FZR1: variants seen among roughly 807,000 people sequenced by gnomAD.
FZR1 encodes the protein fizzy and cell division cycle 20 related 1.
A neutral mutation model predicts 63.6 loss-of-function variants in FZR1; 11 were observed. The ratio of observed to expected loss-of-function variants is 0.17; its 90% CI spans 0.11 to 0.29. FZR1 has a LOEUF of 0.29. Ranked by LOEUF, FZR1 falls within the 10% of genes least tolerant of loss-of-function variation. The pLI is 1.00. For synonymous variants in FZR1, 328 were observed against 297.9 expected (o/e 1.10, Z -1.04); for missense variants, 440 against 687.5 (o/e 0.64, Z 4.03).
At position 3,526,540 on chromosome 19, in the gene FZR1, CA is replaced by C. The variant is rs1311442430; in HGVS notation, c.387+155del. ...CCCTGACCCTGTTCCTTAGCCAGGT[CA>C]GGGGCCCTGGGATCTGAGGCTGGAG... On this transcript the variant is annotated intron_variant, in intron 5 of 13. Transcript: ENST00000441788. The surrounding 1 kb of genome is among the most constrained non-coding windows in gnomAD (Gnocchi z 5.4). Among the ~76,000 whole-genome samples, 7 of 152,352 alleles carry C rather than the reference CA, an allele frequency of 4.6e-5. No individual in the cohort carries two copies. The highest frequency in any genetic ancestry group is 1.9e-4 in the East Asian group (1 of 5,176).
At chr19:3,511,996 C>G (rs1417200423) in intron 1 of FZR1, among the ~76,000 whole-genome samples, 1 of 152,204 alleles carries the variant, frequency 6.6e-6, no homozygotes, top group East Asian at 1.9e-4. Flanking sequence ...GAGTCCACCT[C>G]TCCCCTGTGT....
Position 3,533,760 on chromosome 19 carries a change from ATGGGGG to A in FZR1, c.1347+363_1347+368del, listed in dbSNP as rs1264276577. ...ACAGTAACTGTATGCACGTGGCTGG[ATGGGGG>A]CCAGGAGGCGTCCTTGGCCCCACGT... is the stretch of plus-strand genomic sequence containing the variant. On this transcript the variant is annotated intron_variant, in intron 12 of 13. Coordinates refer to ENST00000441788, the MANE Select transcript of FZR1 (RefSeq NM_016263.4). The surrounding 1 kb of genome is among the most constrained non-coding windows in gnomAD (Gnocchi z 4.9). 1 of 220,462 alleles carries A rather than the reference ATGGGGG, an allele frequency of 4.5e-6. No homozygotes were observed. The highest frequency in any genetic ancestry group is 2.4e-5 in the African/African-American group (1 of 41,886). The allele number at this position is 220,462 out of a possible 1,614,324, so 13.7% of individuals were successfully genotyped here. A position where few individuals can be genotyped will look rare whatever the true frequency, so the allele number is the denominator to read the frequency against.
At position 3,515,846 on chromosome 19, in the gene FZR1, G is replaced by GTCCTCTCCT. The variant is rs895951396; in HGVS notation, c.-34-7101_-34-7093dup. Among the ~76,000 whole-genome samples the GTCCTCTCCT allele has an allele frequency of 6.0e-5, 9 of 150,136 alleles. No homozygotes were observed. The highest frequency in any genetic ancestry group is 2.2e-4 in the African/African-American group (9 of 40,796). ...AAGGCTTCTTTCCTCCCCAATCCTC[G>GTCCTCTCCT]TCCTCTCCTTCCTCTCCCCACCCAC... On this transcript the variant is annotated intron_variant, in intron 1 of 13. Transcript: ENST00000441788. This position sits in a 1 kb window ranked among gnomAD's most constrained non-coding sequence, Gnocchi z 4.6.
At chr19:3,531,607 G>C in intron 8 of FZR1, 107 bp from the exon 9 acceptor site, 1 of 731,930 alleles carries the variant, frequency 1.4e-6, no homozygotes, top group Non-Finnish European at 2.3e-6. Context: ...TAGGGAAACC[G>C]TCCCAGAGCC....
rs1332861145 is a variant in FZR1 at position 3,531,919 on chromosome 19, G to A, written c.832G>A (p.Ala278Thr). The A allele has an allele frequency of 6.3e-7, 1 of 1,595,788 alleles. No individual in the cohort carries two copies. The highest frequency in any genetic ancestry group is 1.1e-5 in the South Asian group (1 of 88,508). Reference sequence around the variant, plus strand: ...TTCCACCTGGCCTCCAGGGGCGCTGGCCTGGAATGCTGAGCAGCTGTCGTC... The same window carrying A: ...TTCCACCTGGCCTCCAGGGGCGCTGACCTGGAATGCTGAGCAGCTGTCGTC... ...EGHTARVGAL[A>T]WNAEQLSSGS... Residue 278 changes from alanine to threonine, a missense_variant, in exon 10 of 14, where the codon GCC (alanine) becomes ACC (threonine). Physicochemically the swap from Ala to Thr is moderately conservative, Grantham distance 58. Transcript: ENST00000441788.
rs2083252728 is a variant in FZR1, at chr19:3,532,005, G to A, written c.918G>A (p.Glu306=). Residue 306 remains glutamate (E), a synonymous_variant, in exon 10 of 14, where the codon GAG becomes GAA. Transcript: ENST00000441788. Reference sequence around the variant, plus strand: ...TCCGCACCCCGCCACTGCAGTCGGAGCGGCGGCTGCAGGGCCACCGGCAGG... The same window carrying A: ...TCCGCACCCCGCCACTGCAGTCGGAACGGCGGCTGCAGGGCCACCGGCAGG... ...RDIRTPPLQS[E]RRLQGHRQEV... is the part of the protein sequence containing the mutation. 1.3e-6 allele frequency: 2 copies of A among 1,563,236 alleles called. No homozygotes were observed. Among genetic ancestry groups the A allele is most frequent in the Non-Finnish European group, 1.7e-6 (2 of 1,160,764 alleles).
At chr19:3,519,674 CTG>C (rs2121927843) in intron 1 of FZR1, among the ~76,000 whole-genome samples, 1 of 152,330 alleles carries the variant, frequency 6.6e-6, no homozygotes, top group East Asian at 1.9e-4. Flanking sequence ...CTGACGTCCT[CTG>C]TGGCTGCACG....
intron 6 of FZR1, 117 bp downstream of exon 6, chr19:3,527,179 A>AG: frequency 2.4e-6 from 2 of 826,086 alleles, no homozygotes; most frequent in Admixed American, 1.8e-5. Context: ...GCGAGGCTGA[A>AG]GGGGGCTTCC....
rs1407653305 is a variant in FZR1, at chr19:3,515,764, TC to T, written c.-34-7191del. ...CTGGGTGACAGAGCCAGACTCCGTC[TC>T]TAAAAAAAAAAAAAAAAGGAATTCA... On this transcript the variant is annotated intron_variant, in intron 1 of 13. Coordinates refer to ENST00000441788, the MANE Select transcript of FZR1 (RefSeq NM_016263.4). The surrounding 1 kb of genome is among the most constrained non-coding windows in gnomAD (Gnocchi z 4.6). Among the ~76,000 whole-genome samples, 1 of 102,242 alleles carries T rather than the reference TC, an allele frequency of 9.8e-6. No homozygotes were observed. The highest frequency in any genetic ancestry group is 1.8e-5 in the Non-Finnish European group (1 of 55,954). The allele number at this position is 102,242 out of a possible 152,430, so 67.1% of individuals were successfully genotyped here.
chr19:3,512,849 G>C (rs1568229312), intron 1 of FZR1, among the ~76,000 whole-genome samples: 1 of 152,188 alleles, frequency 6.6e-6, no homozygotes, highest in Non-Finnish European at 1.5e-5. Flanking sequence ...GTGAAGCCGT[G>C]CTTCATAAAT....
intron 1 of FZR1, among the ~76,000 whole-genome samples, chr19:3,511,326 C>A (rs1229548628): frequency 6.6e-6 from 1 of 152,192 alleles, no homozygotes; most frequent in Non-Finnish European, 1.5e-5. Context: ...GGAGCTGCCC[C>A]CCACACAGGG....
chr19:3,528,939 G>T (rs543199339), intron 7 of FZR1, among the ~76,000 whole-genome samples: 2 of 148,510 alleles, frequency 1.3e-5, no homozygotes, highest in Admixed American at 7.2e-5. Context: ...TATGGGAGTG[G>T]ATGGGAGAGC....
chr19:3,535,099 G>T lies in FZR1; in HGVS notation c.*263G>T. On this transcript the variant is annotated 3_prime_UTR_variant, in exon 14 of 14. Transcript: ENST00000441788. The stretch of plus-strand genomic sequence containing the variant: ...TTCCCAAAGGGCGAGAACCACATTG[G>T]ACGGTCCCGGCTCAGACCGTCTGTA... 1 of 546,804 alleles carries T rather than the reference G, an allele frequency of 1.8e-6. No homozygotes were observed. 33.9% of individuals were successfully genotyped at this position (546,804 alleles called of 1,614,324 possible).
Position 3,527,022 on chromosome 19 carries a change from G to C in FZR1, c.430G>C (p.Asp144His). 2 of 1,612,716 alleles carry C rather than the reference G, an allele frequency of 1.2e-6. No individual in the cohort carries two copies. The highest frequency in any genetic ancestry group is 1.7e-6 in the Non-Finnish European group (2 of 1,179,676). ...TKRSSPDDGNDVSPYSLSPVS... is the reference protein window; with the variant it reads ...TKRSSPDDGNHVSPYSLSPVS... ...GCGCTCCAGCCCCGATGACGGCAAC[G>C]ATGTGTCTCCCTACTCCCTGTCTCC... Residue 144 changes from aspartate (D) to histidine (H), a missense_variant, in exon 6 of 14, where the codon GAT becomes CAT. Physicochemically the swap from Asp to His is moderately conservative, Grantham distance 81. Around this residue, in one of 5 missense-constraint regions of FZR1, gnomAD observed 200 missense variants for 245.1 expected, o/e 0.82. Transcript: ENST00000441788.
chr19:3,534,586 C>T, intron 13 of FZR1, 73 bp downstream of exon 13: 1 of 1,059,404 alleles, frequency 9.4e-7, no homozygotes, highest in African/African-American at 1.6e-5. Flanking sequence ...TCCCCACTGT[C>T]CTCGGGCGTA....
rs1194634545 is a variant in FZR1 at position 3,525,445 on chromosome 19, T to TC, written c.70-423_70-422insC. On this transcript the variant is annotated intron_variant, in intron 2 of 13. Coordinates refer to ENST00000441788, the MANE Select transcript of FZR1 (RefSeq NM_016263.4). This position sits in a 1 kb window ranked among gnomAD's most constrained non-coding sequence, Gnocchi z 4.2. ...TCCTTGGGTTTTCTTTTTTTTTTTT[T>TC]TTTTTTTTTTTTTTTGAGACGGAGT... Among the ~76,000 whole-genome samples the TC allele has an allele frequency of 1.5e-5, 2 of 136,478 alleles. No homozygotes were observed. Among genetic ancestry groups the TC allele is most frequent in the East Asian group, 2.2e-4 (1 of 4,552 alleles). The allele number at this position is 136,478 out of a possible 152,430, so 89.5% of individuals were successfully genotyped here.
chr19:3,534,216 C>T lies in FZR1; in HGVS notation c.1348-205C>T, dbSNP rs151321848. 1.2e-3 allele frequency: 596 copies of T among 497,674 alleles called. 6 individuals are homozygous for T. The highest frequency in any genetic ancestry group is 9.8e-3 in the East Asian group (291 of 29,704). 30.8% of individuals were successfully genotyped at this position (497,674 alleles called of 1,614,324 possible). A position where few individuals can be genotyped will look rare whatever the true frequency, so the allele number is the denominator to read the frequency against. On this transcript the variant is annotated intron_variant, in intron 12 of 13. Coordinates refer to ENST00000441788, the MANE Select transcript of FZR1 (RefSeq NM_016263.4). ...CAGCCTGGGTGACAGAGCCAGACCCCGTCTTAAAATTAAAAAAAAAAAAAA... is the reference window on the plus strand; with the variant it reads ...CAGCCTGGGTGACAGAGCCAGACCCTGTCTTAAAATTAAAAAAAAAAAAAA...
chr19:3,534,815 C>T lies in FZR1; in HGVS notation c.1461C>T (p.Asn487=). Residue 487 remains asparagine, a synonymous_variant, in exon 14 of 14, where the codon AAC becomes AAT. Transcript: ENST00000441788. ...RSTKESVSVL[N]LFTRIR is the part of the protein sequence containing the mutation. ...TGCAGGAGTCTGTGTCTGTGCTCAA[C>T]CTCTTCACCAGGATCCGGTAAACCT... 1.2e-6 allele frequency: 2 copies of T among 1,613,022 alleles called. No individual in the cohort carries two copies. The highest frequency in any genetic ancestry group is 1.7e-6 in the Non-Finnish European group (2 of 1,179,776).
intron 7 of FZR1, among the ~76,000 whole-genome samples, chr19:3,529,854 G>C (rs1445343190): frequency 1.7e-5 from 2 of 120,504 alleles, no homozygotes; most frequent in Non-Finnish European, 1.8e-5. Context: ...GTGGGTGAGC[G>C]GGTGGGTGAG....
Sources: allele counts gnomAD v4.1 joint callset (sites outside exome capture counted in the v4.1 genomes callset), GRCh38; gene constraint gnomAD v4.1.1; regional missense constraint gnomAD v4.1.1; non-coding constraint Gnocchi (gnomAD v3.1); transcripts MANE v1.5; gene names NCBI Gene and HGNC (gene_info 2026-07-23, HGNC 2026-07-21).